The following ASCC3 variants were observed in gnomAD, a reference collection of about 807,000 sequenced individuals.
The protein encoded by ASCC3 is ASC-1 complex subunit P200.
Under a neutral mutation model 256.3 loss-of-function variants are expected in ASCC3, and 158 were observed. That is an observed-to-expected ratio of 0.62 (90% confidence interval 0.54 to 0.70). The LOEUF (loss-of-function observed/expected upper bound fraction) is 0.70, where lower values mean the gene tolerates loss of function less well. Among genes scored for constraint, ASCC3 ranks in the 30% least tolerant of loss-of-function variants. ASCC3 has a pLI of 0.00. For missense variants in ASCC3, 2,259 were observed against 2,626.0 expected (o/e 0.86, Z 3.05); for synonymous variants, 948 against 883.4 (o/e 1.07, Z -1.30).
At chr6:100,628,564 T>A (rs1562179849) in intron 27 of ASCC3, among the ~76,000 whole-genome samples, 1 of 152,024 alleles carries the variant, frequency 6.6e-6, no homozygotes, top group Non-Finnish European at 1.5e-5. Flanking sequence ...TGTTTAAAAG[T>A]GTGTAGCACC....
intron 4 of ASCC3, among the ~76,000 whole-genome samples, chr6:100,820,290 TACACAGAC>T (rs71028035): frequency 0.39 from 58,777 of 151,498 alleles, 12,599 homozygotes; most frequent in Middle Eastern, 0.55. Context: ...AGCATGAGGA[TACACAGAC>T]AAATCAACAG....
At chr6:100,675,632 A>G (rs2114957287) in intron 14 of ASCC3, among the ~76,000 whole-genome samples, 1 of 152,344 alleles carries the variant, frequency 6.6e-6, no homozygotes. Context: ...GATACGTATT[A>G]CTATTGGATT....
chr6:100,702,304 G>A (rs1259302337), intron 13 of ASCC3, among the ~76,000 whole-genome samples: 2 of 152,142 alleles, frequency 1.3e-5, no homozygotes, highest in Non-Finnish European at 2.9e-5. Flanking sequence ...GACTGAGGGA[G>A]AGAGAGTTGA....
At chr6:100,654,353 A>T (rs1267462800) in intron 17 of ASCC3, among the ~76,000 whole-genome samples, 6 of 151,746 alleles carry the variant, frequency 4.0e-5, no homozygotes, top group Non-Finnish European at 8.8e-5. Context: ...GGTACTATGT[A>T]TCCAAAAGGT....
intron 4 of ASCC3, among the ~76,000 whole-genome samples, chr6:100,844,578 A>G (rs968396329): frequency 1.3e-5 from 2 of 152,142 alleles, no homozygotes; most frequent in African/African-American, 4.8e-5. Context: ...AGTCTTATTC[A>G]CTTCCGGGTG....
chr6:100,859,050 T>C (rs1773094112), intron 3 of ASCC3: 3 of 756,794 alleles, frequency 4.0e-6, no homozygotes, highest in African/African-American at 1.7e-5. Flanking sequence ...TTAAATTCCT[T>C]TAATAGTCAA....
intron 13 of ASCC3, among the ~76,000 whole-genome samples, chr6:100,683,472 CTTTTT>C (rs777256288): frequency 6.7e-6 from 1 of 149,700 alleles, no homozygotes; most frequent in Admixed American, 6.8e-5. Context: ...AAAATAAACC[CTTTTT>C]TTTAATTAAA....
Position 100,638,781 on chromosome 6 carries a change from T to C in ASCC3, c.3942A>G (p.Gly1314=), listed in dbSNP as rs775379342. The C allele has an allele frequency of 6.2e-7, 1 of 1,614,128 alleles. No homozygotes were observed. Among genetic ancestry groups the C allele is most frequent in the Non-Finnish European group, 8.5e-7 (1 of 1,179,990 alleles). ...TGTACAGGGCTTCATATGCTTTACATCCCAAAGCTGTGATTGGTAAAGGCT... is the reference window on the plus strand; with the variant it reads ...TGTACAGGGCTTCATATGCTTTACACCCCAAAGCTGTGATTGGTAAAGGCT... ...DLQPLPITAL[G]CKAYEALYNF... The change falls in exon 25 of 42, where the codon GGA becomes GGG. Residue 1314 remains glycine, a synonymous_variant. Coordinates refer to ENST00000369162, the MANE Select transcript of ASCC3 (RefSeq NM_006828.4).
chr6:100,607,229 A>C, intron 30 of ASCC3, 141 bp from the exon 31 acceptor site: 1 of 845,844 alleles, frequency 1.2e-6, no homozygotes, highest in Non-Finnish European at 1.9e-6. Context: ...AGTTATGATT[A>C]AAGTTCAACT....
At chr6:100,594,513 T>C (rs1025278191) in intron 34 of ASCC3, among the ~76,000 whole-genome samples, 3 of 152,014 alleles carry the variant, frequency 2.0e-5, no homozygotes, top group Non-Finnish European at 4.4e-5. Flanking sequence ...CAGACAATAA[T>C]AAAAAGACAC....
intron 10 of ASCC3, among the ~76,000 whole-genome samples, chr6:100,740,631 A>G (rs1360691627): frequency 6.6e-6 from 1 of 152,182 alleles, no homozygotes; most frequent in East Asian, 1.9e-4. Context: ...TTGGACACAT[A>G]TATTTAGGTT....
chr6:100,568,752 AATTATTATTATTATTATT>A (rs111974347), intron 36 of ASCC3, among the ~76,000 whole-genome samples: 3 of 139,634 alleles, frequency 2.1e-5, no homozygotes, highest in Non-Finnish European at 4.6e-5. Context: ...CTTAGTCATA[AATTATTATTATTATTATT>A]ATTATTATTA....
At chr6:100,584,769 G>T (rs1414549189) in intron 36 of ASCC3, among the ~76,000 whole-genome samples, 1 of 151,818 alleles carries the variant, frequency 6.6e-6, no homozygotes, top group Non-Finnish European at 1.5e-5. Context: ...GCTCTTGTAG[G>T]GCAGGGCTGG....
At chr6:100,589,133 A>G (rs982881055) in intron 36 of ASCC3, among the ~76,000 whole-genome samples, 3 of 152,112 alleles carry the variant, frequency 2.0e-5, no homozygotes, top group Non-Finnish European at 4.4e-5. Context: ...GTTTTTTACC[A>G]TGTGATATAT....
At chr6:100,636,617 G>A (rs911330302) in intron 25 of ASCC3, among the ~76,000 whole-genome samples, 1 of 152,158 alleles carries the variant, frequency 6.6e-6, no homozygotes, top group African/African-American at 2.4e-5. Flanking sequence ...AGCTGAGATA[G>A]GCCAAAAAGC....
intron 36 of ASCC3, among the ~76,000 whole-genome samples, chr6:100,556,397 T>C (rs1417906212): frequency 6.6e-6 from 1 of 152,146 alleles, no homozygotes; most frequent in East Asian, 1.9e-4. Flanking sequence ...GAGGCTAAAT[T>C]AAGGAAATGT....
intron 14 of ASCC3, among the ~76,000 whole-genome samples, chr6:100,677,785 G>C (rs569926528): frequency 6.6e-6 from 1 of 151,324 alleles, no homozygotes; most frequent in South Asian, 2.1e-4. Context: ...ATAATAGTTG[G>C]ATCAGGAAAA....
rs773582267 is a variant in ASCC3 at position 100,589,699 on chromosome 6, C to G, written c.5485G>C (p.Val1829Leu). The G allele has an allele frequency of 6.2e-7, 1 of 1,613,786 alleles. No homozygotes were observed. Among genetic ancestry groups the G allele is most frequent in the Admixed American group, 1.7e-5 (1 of 59,994 alleles). Reference protein sequence around the residue: ...ASYYYLKHQTVKMFKDRLKPE... With the variant: ...ASYYYLKHQTLKMFKDRLKPE... ...TTCAAGCGGTCCTTGAACATTTTAA[C>G]TGTTTGATGCTTCAAATAGTAATAG... Residue 1829 changes from valine (V) to leucine (L), a missense_variant, in exon 36 of 42, where the codon GTT (valine) becomes CTT (leucine). By Grantham distance (32) the Val-to-Leu change is conservative. Transcript: ENST00000369162.
chr6:100,709,502 T>C (rs954351115), intron 13 of ASCC3, among the ~76,000 whole-genome samples: 2 of 152,164 alleles, frequency 1.3e-5, no homozygotes, highest in African/African-American at 4.8e-5. Flanking sequence ...TTAGGTTCAT[T>C]TCTCCCTTTA....
Sources: gnomAD v4.1 joint callset for allele counts (sites outside exome capture counted in the v4.1 genomes callset) on GRCh38, gnomAD v4.1.1 for gene constraint, MANE v1.5 for transcripts, NCBI Gene and HGNC (gene_info 2026-07-23, HGNC 2026-07-21) for gene names.